SHISA9: variants seen among roughly 807,000 people sequenced by gnomAD.
SHISA9 encodes protein shisa-9.
Under a neutral mutation model 38.0 loss-of-function variants are expected in SHISA9, and 13 were observed. The ratio of observed to expected loss-of-function variants is 0.34; its 90% CI spans 0.22 to 0.54. The LOEUF is 0.54. Among genes scored for constraint, SHISA9 ranks in the 20% least tolerant of loss-of-function variants. SHISA9 has a pLI of 0.91. For synonymous variants in SHISA9, 275 were observed against 242.0 expected (o/e 1.14, Z -1.27); for missense variants, 538 against 575.8 (o/e 0.93, Z 0.67).
the SHISA9 span, among the ~76,000 whole-genome samples, chr16:13,479,641 C>G: frequency 6.6e-6 from 1 of 152,134 alleles, no homozygotes; most frequent in Non-Finnish European, 1.5e-5. Flanking sequence ...ACATGCTAAT[C>G]ACGAGCTAGT....
At chr16:13,558,934 C>T in the SHISA9 span, among the ~76,000 whole-genome samples, 4 of 152,080 alleles carry the variant, frequency 2.6e-5, no homozygotes, top group Non-Finnish European at 2.9e-5. Flanking sequence ...AGTATTGATT[C>T]GGGGGTTACA....
chr16:12,971,670 G>A (rs11075176), intron 2 of SHISA9, among the ~76,000 whole-genome samples: 58,260 of 151,774 alleles, frequency 0.38, 11,557 homozygotes, highest in Middle Eastern at 0.52. Context: ...ACGACATATC[G>A]TACCAGATTA....
the SHISA9 span, among the ~76,000 whole-genome samples, chr16:13,384,773 T>C: frequency 6.6e-6 from 1 of 152,234 alleles, no homozygotes; most frequent in Admixed American, 6.5e-5. Flanking sequence ...TTTAAATTAA[T>C]ATTTAAATAC....
chr16:12,914,727 G>T (rs1000938408), intron 1 of SHISA9, among the ~76,000 whole-genome samples: 2 of 152,164 alleles, frequency 1.3e-5, no homozygotes, highest in Admixed American at 1.3e-4. Flanking sequence ...CCCCGTGATC[G>T]ACAGTTCCCC....
At chr16:13,130,455 T>C (rs887774683) in intron 2 of SHISA9, among the ~76,000 whole-genome samples, 9 of 152,218 alleles carry the variant, frequency 5.9e-5, no homozygotes, top group African/African-American at 2.2e-4. Context: ...TTTTGCTACA[T>C]GATACCATCC....
rs1299243490 is a variant in SHISA9, at chr16:13,203,519, C to T, written c.817C>T (p.Leu273Phe). 1 of 1,545,514 alleles carries T rather than the reference C, an allele frequency of 6.5e-7. No individual in the cohort carries two copies. The highest frequency in any genetic ancestry group is 8.7e-7 in the Non-Finnish European group (1 of 1,144,172). The change falls in exon 3 of 5, where the codon CTC becomes TTC. Residue 273 changes from leucine to phenylalanine, a missense_variant. By Grantham distance (22) the Leu-to-Phe change is conservative (BLOSUM62 0). Coordinates refer to ENST00000558583, the MANE Select transcript of SHISA9 (RefSeq NM_001145204.3). Reference sequence around the variant, plus strand: ...TGAACAGCAGCCACCAGGAAAAGAGCTCAACAAGTACGCCTCCTTAAAGGC... The same window carrying T: ...TGAACAGCAGCCACCAGGAAAAGAGTTCAACAAGTACGCCTCCTTAAAGGC... ...PYEQQPPGKE[L>F]NKYASLKAVG...
chr16:12,962,279 C>A, intron 2 of SHISA9, among the ~76,000 whole-genome samples: 1 of 152,194 alleles, frequency 6.6e-6, no homozygotes, highest in African/African-American at 2.4e-5. Flanking sequence ...AGTGAGAGAG[C>A]CAGAGTCAGG....
At chr16:13,469,891 G>A in the SHISA9 span, among the ~76,000 whole-genome samples, 1,198 of 152,256 alleles carry the variant, frequency 7.9e-3, 12 homozygotes, top group African/African-American at 0.027. Context: ...AGAGTACATG[G>A]TACCATTCTC....
chr16:13,148,458 C>T (rs1196117263), intron 2 of SHISA9, among the ~76,000 whole-genome samples: 1 of 151,966 alleles, frequency 6.6e-6, no homozygotes, highest in South Asian at 2.1e-4. Context: ...ACCTTTTCAC[C>T]CACAAAACAT....
chr16:13,531,276 C>G, the SHISA9 span, among the ~76,000 whole-genome samples: 5 of 151,902 alleles, frequency 3.3e-5, no homozygotes, highest in Non-Finnish European at 7.4e-5. Flanking sequence ...GTAAGGGCAC[C>G]GAAAATGATT....
At chr16:13,554,432 G>C in the SHISA9 span, among the ~76,000 whole-genome samples, 1 of 150,312 alleles carries the variant, frequency 6.7e-6, no homozygotes, top group African/African-American at 2.4e-5. Flanking sequence ...ATAAATTAAT[G>C]AAAAAAATCA....
At chr16:12,942,312 G>C (rs1399483513) in intron 2 of SHISA9, among the ~76,000 whole-genome samples, 1 of 152,200 alleles carries the variant, frequency 6.6e-6, no homozygotes, top group South Asian at 2.1e-4. Flanking sequence ...GGCAGAAATG[G>C]GCTGAGAGTC....
rs79565613 is a variant in SHISA9 at position 13,135,590 on chromosome 16, C to G, written c.692-67804C>G. Among the ~76,000 whole-genome samples, 688 of 152,352 alleles carry G rather than the reference C, an allele frequency of 4.5e-3. 10 individuals carry two copies. Among genetic ancestry groups the G allele is most frequent in the African/African-American group, 0.016 (663 of 41,590 alleles). On this transcript the variant is annotated intron_variant, in intron 2 of 4. Transcript: ENST00000558583. ...AGTTGAACTTCTCCCTCTGCCCAATCTTGTTGCCTCAGCCTTCCTGTCACA... is the reference window on the plus strand; with the variant it reads ...AGTTGAACTTCTCCCTCTGCCCAATGTTGTTGCCTCAGCCTTCCTGTCACA...
chr16:13,175,584 G>T (rs186669031), intron 2 of SHISA9, among the ~76,000 whole-genome samples: 10 of 152,206 alleles, frequency 6.6e-5, no homozygotes, highest in Admixed American at 2.6e-4. Flanking sequence ...GAAGGTGAAG[G>T]TTACTGTGAC....
the SHISA9 span, among the ~76,000 whole-genome samples, chr16:13,440,887 A>G: frequency 2.6e-5 from 4 of 151,180 alleles, no homozygotes; most frequent in African/African-American, 7.3e-5. Context: ...GTGCCACTGC[A>G]CTCCAGCCTG....
chr16:13,001,655 C>T (rs990344599), intron 2 of SHISA9, among the ~76,000 whole-genome samples: 6 of 152,156 alleles, frequency 3.9e-5, no homozygotes, highest in African/African-American at 1.4e-4. Context: ...CATGTATATG[C>T]AATGTTTAAC....
At chr16:13,112,081 G>C (rs942671538) in intron 2 of SHISA9, among the ~76,000 whole-genome samples, 1 of 152,142 alleles carries the variant, frequency 6.6e-6, no homozygotes, top group African/African-American at 2.4e-5. Flanking sequence ...CTTATGCCCA[G>C]GTGGTCATAC....
chr16:12,942,628 T>TAA (rs1239112249), intron 2 of SHISA9, among the ~76,000 whole-genome samples: 5 of 152,264 alleles, frequency 3.3e-5, no homozygotes, highest in African/African-American at 1.2e-4. Context: ...AAAGCTTTGC[T>TAA]GGTCCTAAGG....
At chr16:13,020,716 C>T (rs1416542300) in intron 2 of SHISA9, among the ~76,000 whole-genome samples, 1 of 152,222 alleles carries the variant, frequency 6.6e-6, no homozygotes, top group Non-Finnish European at 1.5e-5. Context: ...TCCTTTGTAT[C>T]TCCACCATCC....
Sources: gnomAD v4.1 joint callset for allele counts (sites outside exome capture counted in the v4.1 genomes callset) on GRCh38, gnomAD v4.1.1 for gene constraint, MANE v1.5 for transcripts, NCBI Gene and HGNC (gene_info 2026-07-23, HGNC 2026-07-21) for gene names.